The following PCDHGA3 variants were observed in gnomAD, a reference collection of about 807,000 sequenced individuals.
The protein encoded by PCDHGA3 is protocadherin gamma-A3.
In PCDHGA3, 40 loss-of-function variants were observed where a neutral mutation model predicts 58.5. That is an observed-to-expected ratio of 0.68 (90% CI 0.53 to 0.89). PCDHGA3 has a LOEUF of 0.89. PCDHGA3 is among the 40% of genes least tolerant of loss of function. The pLI, the probability that PCDHGA3 is intolerant of heterozygous loss-of-function variation, is 0.00. For synonymous variants in PCDHGA3, 530 were observed against 525.7 expected, an observed-to-expected ratio of 1.01 and a Z score of -0.11; for missense variants, 1,223 against 1,195.9, an observed-to-expected ratio of 1.02 and a Z score of -0.33.
intron 1 of PCDHGA3, chr5:141,376,551 C>T: frequency 6.2e-7 from 1 of 1,611,758 alleles, no homozygotes; most frequent in South Asian, 1.1e-5. Flanking sequence ...TCTGATCTTC[C>T]CGCAACCCAA....
At chr5:141,355,212 T>G in intron 1 of PCDHGA3, 1 of 1,600,656 alleles carries the variant, frequency 6.2e-7, no homozygotes, top group Non-Finnish European at 8.5e-7. Flanking sequence ...TGGCGGCGCC[T>G]CCTGCTCGCC....
chr5:141,395,086 C>A, intron 1 of PCDHGA3: 1 of 1,614,166 alleles, frequency 6.2e-7, no homozygotes, highest in Non-Finnish European at 8.5e-7. Context: ...CAGGAAGTCT[C>A]CCTCACCGCC....
At chr5:141,430,751 A>G in intron 1 of PCDHGA3, 1 of 1,496,066 alleles carries the variant, frequency 6.7e-7, no homozygotes, top group Non-Finnish European at 8.9e-7. Context: ...ATTCTGGAGG[A>G]AGATAAGAAT....
rs1193457334 is a variant in PCDHGA3 at position 141,375,486 on chromosome 5, G to T, written c.2424+29029G>T. The T allele has an allele frequency of 5.0e-6, 8 of 1,613,914 alleles. No homozygotes were observed. Among genetic ancestry groups the T allele is most frequent in the Non-Finnish European group, 6.8e-6 (8 of 1,179,980 alleles). ...TATGTCCTTGAAAACAACCCCAGGG[G>T]TGCCTCCATCTTCTCTGTGAATGCA... is the stretch of plus-strand genomic sequence containing the variant. On this transcript the variant is annotated intron_variant, in intron 1 of 3. Coordinates refer to ENST00000253812, the MANE Select transcript of PCDHGA3 (RefSeq NM_018916.4).
In PCDHGA3 at chr5:141,432,582, T is replaced by A. The variant is rs1561862595; in HGVS notation, c.2425-62225T>A. 2 of 1,613,236 alleles carry A rather than the reference T, an allele frequency of 1.2e-6. No homozygotes were observed. The highest frequency in any genetic ancestry group is 1.7e-6 in the Non-Finnish European group (2 of 1,179,922). On this transcript the variant is annotated intron_variant, in intron 1 of 3. Transcript: ENST00000253812. This position sits in a 1 kb window ranked among gnomAD's most constrained non-coding sequence, Gnocchi z 6.0. ...CAGAACGCCTGGCTGTCCTACCGTC[T>A]GCTCAAGGCCAGCGAGCCGGGACTC...
At chr5:141,399,588 C>A (rs2093842272) in intron 1 of PCDHGA3, 1 of 1,613,894 alleles carries the variant, frequency 6.2e-7, no homozygotes, top group South Asian at 1.1e-5. Context: ...CCTACTCTAT[C>A]ATGGCCAGCG....
rs765397942 is a variant in PCDHGA3, at chr5:141,371,419, A to G, written c.2424+24962A>G. On this transcript the variant is annotated intron_variant, in intron 1 of 3. Transcript: ENST00000253812. ...CAGATAGATATTTCAGATGAAAATG[A>G]CAATGCCCCGGAGATAACCCTGGCT... The G allele has an allele frequency of 3.1e-6, 5 of 1,613,904 alleles. No individual in the cohort carries two copies. The African/African-American group carries it at 6.7e-5, about 22-fold the overall frequency.
intron 1 of PCDHGA3, chr5:141,392,725 A>G: frequency 7.1e-7 from 1 of 1,399,540 alleles, no homozygotes; most frequent in South Asian, 1.6e-5. Flanking sequence ...TTTCCGGAGG[A>G]TTGTCATCTC....
chr5:141,369,352 G>A (rs1265381304), intron 1 of PCDHGA3, among the ~76,000 whole-genome samples: 1 of 152,116 alleles, frequency 6.6e-6, no homozygotes, highest in East Asian at 1.9e-4. Flanking sequence ...TTGTGATGTA[G>A]TATGAAAAAA....
chr5:141,477,804 A>G lies in PCDHGA3; in HGVS notation c.2425-17003A>G. The G allele has an allele frequency of 6.2e-7, 1 of 1,614,088 alleles. No individual in the cohort carries two copies. ...ATATTTGTCACTGATCGCAATGACA[A>G]TGCCCCCCAGGTCCTATATCCTCGG... On this transcript the variant is annotated intron_variant, in intron 1 of 3. Transcript: ENST00000253812. The surrounding 1 kb of genome is among the most constrained non-coding windows in gnomAD (Gnocchi z 4.9).
intron 1 of PCDHGA3, chr5:141,400,090 A>G: frequency 6.2e-7 from 1 of 1,614,064 alleles, no homozygotes; most frequent in Non-Finnish European, 8.5e-7. Context: ...CGCCACCGCC[A>G]CGCTGCACTT....
chr5:141,429,741 C>T (rs2097240604), intron 1 of PCDHGA3, among the ~76,000 whole-genome samples: 1 of 152,106 alleles, frequency 6.6e-6, no homozygotes, highest in Admixed American at 6.5e-5. Flanking sequence ...CCAGTTATTT[C>T]TTAGGGAGAA....
chr5:141,362,447 C>G (rs769703158), intron 1 of PCDHGA3: 1 of 1,614,048 alleles, frequency 6.2e-7, no homozygotes, highest in Non-Finnish European at 8.5e-7. Flanking sequence ...CTGAACATAA[C>G]CCCGGAATTG....
At chr5:141,378,758 C>G (rs969501970) in intron 1 of PCDHGA3, 1 of 152,162 alleles carries the variant, frequency 6.6e-6, no homozygotes, top group Non-Finnish European at 1.5e-5. Flanking sequence ...AAGGGATTAT[C>G]ATTTAGAAGA....
rs757565497 is a variant in PCDHGA3 at position 141,370,731 on chromosome 5, C to A, written c.2424+24274C>A. 4 of 1,613,798 alleles carry A rather than the reference C, an allele frequency of 2.5e-6. No homozygotes were observed. The South Asian group carries it at 3.3e-5, about 13-fold the overall frequency. ...GGAATTTGAAATGGTTGCTGAAAAG[C>A]CTTTAAACTTTTTTCATGTAACTGT... On this transcript the variant is annotated intron_variant, in intron 1 of 3. Coordinates refer to ENST00000253812, the MANE Select transcript of PCDHGA3 (RefSeq NM_018916.4).
At chr5:141,377,334 G>C (rs1046555445) in intron 1 of PCDHGA3, 3 of 152,142 alleles carry the variant, frequency 2.0e-5, no homozygotes, top group South Asian at 4.1e-4. Flanking sequence ...TAGCTAGCAT[G>C]GTGGTTCACG....
chr5:141,360,622 G>A (rs1761678618), intron 1 of PCDHGA3: 3 of 1,613,988 alleles, frequency 1.9e-6, no homozygotes, highest in Non-Finnish European at 2.5e-6. Context: ...TTCAGATGTT[G>A]GTCCTAACTC....
At chr5:141,400,392 A>C (rs2094014497) in intron 1 of PCDHGA3, 1 of 1,613,942 alleles carries the variant, frequency 6.2e-7, no homozygotes, top group Admixed American at 1.7e-5. Context: ...TTGCACATAC[A>C]GGAAAGACGG....
At chr5:141,421,633 G>A (rs1369645749) in intron 1 of PCDHGA3, 3 of 1,613,834 alleles carry the variant, frequency 1.9e-6, no homozygotes, top group Non-Finnish European at 2.5e-6. Context: ...CAGCTTCCAG[G>A]AGGACGAAGT....
Sources: allele counts gnomAD v4.1 joint callset (sites outside exome capture counted in the v4.1 genomes callset), GRCh38; gene constraint gnomAD v4.1.1; non-coding constraint Gnocchi (gnomAD v3.1); transcripts MANE v1.5; gene names NCBI Gene and HGNC (gene_info 2026-07-23, HGNC 2026-07-21).